GPC6: variants seen among roughly 807,000 people sequenced by gnomAD.
GPC6 encodes the protein glypican-6.
In GPC6, 14 loss-of-function variants were observed where a neutral mutation model predicts 55.2. That is an observed-to-expected ratio of 0.25 (90% confidence interval 0.17 to 0.40). GPC6 has a LOEUF of 0.40. Among genes scored for constraint, GPC6 ranks in the 10% least tolerant of loss-of-function variants. GPC6 has a pLI of 1.00. For missense variants in GPC6, 641 were observed against 708.5 expected (o/e 0.90, Z 1.08); for synonymous variants, 278 against 259.6 (o/e 1.07, Z -0.68).
chr13:94,398,542 C>G lies in GPC6; in HGVS notation c.1366C>G (p.Pro456Ala), dbSNP rs1029538411. The G allele has an allele frequency of 1.1e-5, 18 of 1,613,312 alleles. No individual in the cohort carries two copies. Among genetic ancestry groups the G allele is most frequent in the Non-Finnish European group, 1.5e-5 (18 of 1,179,352 alleles). The change falls in exon 8 of 9, where the codon CCT (proline) becomes GCT (alanine). Residue 456 changes from proline to alanine, a missense_variant. Coordinates refer to ENST00000377047, the MANE Select transcript of GPC6 (RefSeq NM_005708.5). ...CGAGGTGGATGTGGACATCACTCGG[C>G]CTGACACTTTCATCAGACAGCAGAT... ...NPEVDVDITR[P>A]DTFIRQQIMA...
intron 1 of GPC6, among the ~76,000 whole-genome samples, chr13:93,363,010 A>T (rs150207120): frequency 6.6e-6 from 1 of 152,014 alleles, no homozygotes; most frequent in African/African-American, 2.4e-5. Context: ...ATGAACGACT[A>T]TTTTTTAAAT....
chr13:93,539,223 G>A (rs1882188006), intron 1 of GPC6, among the ~76,000 whole-genome samples: 1 of 152,098 alleles, frequency 6.6e-6, no homozygotes, highest in Non-Finnish European at 1.5e-5. Context: ...GCTTTTGATA[G>A]TCAACTTATT....
chr13:93,270,068 A>G (rs562322772), intron 1 of GPC6, among the ~76,000 whole-genome samples: 6 of 151,856 alleles, frequency 4.0e-5, no homozygotes, highest in East Asian at 1.9e-4. Flanking sequence ...CAGCCTGGGC[A>G]GCATAGTAAG....
At chr13:94,030,004 CTTTT>C (rs55808503) in intron 4 of GPC6, among the ~76,000 whole-genome samples, 1 of 139,488 alleles carries the variant, frequency 7.2e-6, no homozygotes, top group Non-Finnish European at 1.6e-5. Context: ...TTCTTCCCGT[CTTTT>C]TTTTTTTTTT....
chr13:93,325,677 T>A (rs1293302432), intron 1 of GPC6, among the ~76,000 whole-genome samples: 1 of 152,064 alleles, frequency 6.6e-6, no homozygotes, highest in Admixed American at 6.6e-5. Flanking sequence ...CACTTTGCAA[T>A]GTATGTATGT....
At chr13:93,248,237 T>A (rs1876667735) in intron 1 of GPC6, among the ~76,000 whole-genome samples, 1 of 152,182 alleles carries the variant, frequency 6.6e-6, no homozygotes, top group Non-Finnish European at 1.5e-5. Context: ...TTTTTACAAC[T>A]GGAATAACAA....
intron 4 of GPC6, among the ~76,000 whole-genome samples, chr13:94,255,324 T>A (rs1891471117): frequency 6.6e-6 from 1 of 152,186 alleles, no homozygotes; most frequent in Non-Finnish European, 1.5e-5. Context: ...CAACTTTTGG[T>A]TCATTAAAAA....
chr13:93,489,857 G>C (rs1484385342), intron 1 of GPC6, among the ~76,000 whole-genome samples: 2 of 151,608 alleles, frequency 1.3e-5, no homozygotes, highest in African/African-American at 2.4e-5. Context: ...TCAGCTTAAG[G>C]AGATTTTGGG....
intron 4 of GPC6, among the ~76,000 whole-genome samples, chr13:94,091,492 A>C (rs1312026300): frequency 6.6e-6 from 1 of 152,312 alleles, no homozygotes; most frequent in East Asian, 1.9e-4. Context: ...TATAACAAAG[A>C]TAATATGTTG....
chr13:94,167,305 G>C (rs1452354641), intron 4 of GPC6, among the ~76,000 whole-genome samples: 1 of 152,204 alleles, frequency 6.6e-6, no homozygotes, highest in Non-Finnish European at 1.5e-5. Flanking sequence ...TGAACAGAGA[G>C]AGAGAGTGCA....
intron 5 of GPC6, among the ~76,000 whole-genome samples, chr13:94,305,606 C>G (rs915257505): frequency 6.6e-6 from 1 of 152,180 alleles, no homozygotes; most frequent in African/African-American, 2.4e-5. Context: ...CTTCTCCAAC[C>G]TCAGCTGGGA....
chr13:94,339,753 T>C (rs1324440535), intron 6 of GPC6, among the ~76,000 whole-genome samples: 6 of 70,748 alleles, frequency 8.5e-5, no homozygotes, highest in Non-Finnish European at 1.7e-4. Context: ...ATACTTTCCT[T>C]TTTTTTTTTT....
At chr13:93,567,033 A>C (rs982797729) in intron 2 of GPC6, among the ~76,000 whole-genome samples, 2 of 152,154 alleles carry the variant, frequency 1.3e-5, no homozygotes, top group Non-Finnish European at 2.9e-5. Context: ...ATACGTGTGC[A>C]TGTGTCTTTA....
At chr13:94,342,032 T>A (rs534580935) in intron 6 of GPC6, among the ~76,000 whole-genome samples, 2 of 152,334 alleles carry the variant, frequency 1.3e-5, no homozygotes, top group Admixed American at 1.3e-4. Context: ...TTGGAATCAC[T>A]CAAATACTGT....
chr13:93,228,915 TAC>T (rs1875915341), intron 1 of GPC6, among the ~76,000 whole-genome samples: 1 of 152,150 alleles, frequency 6.6e-6, no homozygotes, highest in African/African-American at 2.4e-5. Flanking sequence ...GGTTTTTACT[TAC>T]ACTGAAATGA....
At chr13:93,837,118 GCTAT>G (rs1347032320) in intron 3 of GPC6, among the ~76,000 whole-genome samples, 1 of 152,154 alleles carries the variant, frequency 6.6e-6, no homozygotes, top group East Asian at 1.9e-4. Context: ...GGAAAATGAA[GCTAT>G]CTATTTCCAA....
intron 3 of GPC6, among the ~76,000 whole-genome samples, chr13:93,900,705 A>G (rs74111042): frequency 2.6e-3 from 402 of 152,300 alleles, no homozygotes; most frequent in African/African-American, 9.0e-3. Context: ...GTTTCTTTAC[A>G]TAGTATTTGG....
chr13:93,589,654 T>G (rs1474007296), intron 2 of GPC6, among the ~76,000 whole-genome samples: 1 of 152,166 alleles, frequency 6.6e-6, no homozygotes, highest in Non-Finnish European at 1.5e-5. Flanking sequence ...TCTGGGAAAA[T>G]CACATAACCT....
In GPC6 at chr13:94,057,885, G is replaced by A. The variant is rs375839343; in HGVS notation, c.877+29991G>A. ...ATGTATAGATTTAAAAAGGAAACAT[G>A]CTGTATTCAAACTCACTATAGATTC... On this transcript the variant is annotated intron_variant, in intron 4 of 8. Transcript: ENST00000377047. Among the ~76,000 whole-genome samples the A allele has an allele frequency of 2.0e-4, 30 of 152,228 alleles. No homozygotes were observed. In the Middle Eastern group the frequency reaches 0.02, roughly 104 times the overall value.
Sources: allele counts gnomAD v4.1 joint callset (sites outside exome capture counted in the v4.1 genomes callset), GRCh38; gene constraint gnomAD v4.1.1; transcripts MANE v1.5; gene names NCBI Gene and HGNC (gene_info 2026-07-23, HGNC 2026-07-21).